The following PIK3R1 variants were observed in gnomAD, a reference collection of about 807,000 sequenced individuals.
PIK3R1 encodes phosphatidylinositol 3-kinase regulatory subunit alpha.
Under a neutral mutation model 98.0 loss-of-function variants are expected in PIK3R1, and 29 were observed. The ratio of observed to expected loss-of-function variants is 0.30; its 90% CI spans 0.22 to 0.40. The LOEUF is 0.40. Among genes scored for constraint, PIK3R1 ranks in the 10% least tolerant of loss-of-function variants. The pLI, the probability that PIK3R1 is intolerant of heterozygous loss-of-function variation, is 1.00. For synonymous variants in PIK3R1, 282 were observed against 311.8 expected (o/e 0.90, Z 1.01); for missense variants, 596 against 872.7 (o/e 0.68, Z 3.99).
Position 68,295,180 on chromosome 5 carries a change from G to A in PIK3R1, c.1601G>A (p.Arg534Gln), listed in dbSNP as rs2112274478. The A allele has an allele frequency of 1.9e-6, 3 of 1,613,860 alleles. No individual in the cohort carries two copies. The highest frequency in any genetic ancestry group is 1.7e-6 in the Non-Finnish European group (2 of 1,179,862). ...CATAATTATGATAAGTTGAAGTCTC[G>A]AATCAGTGAAATTATTGACAGTAGA... Reference protein sequence around the residue: ...IMHNYDKLKSRISEIIDSRRR... With the variant: ...IMHNYDKLKSQISEIIDSRRR... Residue 534 changes from arginine (R) to glutamine (Q), a missense_variant, in exon 13 of 16, where the codon CGA (arginine) becomes CAA (glutamine). This residue lies in a region of PIK3R1 where 207 missense variants were observed against 361.4 expected (regional missense o/e 0.57). Coordinates refer to ENST00000521381, the MANE Select transcript of PIK3R1 (RefSeq NM_181523.3).
intron 2 of PIK3R1, among the ~76,000 whole-genome samples, chr5:68,267,977 G>A (rs1580227899): frequency 6.6e-6 from 1 of 152,116 alleles, no homozygotes; most frequent in East Asian, 1.9e-4. Context: ...TTGCAATCGG[G>A]TATTTCCATA....
chr5:68,294,748 C>T (rs1747600725), intron 12 of PIK3R1, 70 bp downstream of exon 12: 2 of 1,062,608 alleles, frequency 1.9e-6, no homozygotes, highest in South Asian at 1.8e-5. Flanking sequence ...GATGATCTCG[C>T]TTTCTGTGCT....
Position 68,285,114 on chromosome 5 carries a change from C to T in PIK3R1, c.916+4108C>T, listed in dbSNP as rs558093835. Among the ~76,000 whole-genome samples, 5 of 152,210 alleles carry T rather than the reference C, an allele frequency of 3.3e-5. No homozygotes were observed. The South Asian group carries it at 1.0e-3, about 32-fold the overall frequency. ...TAACACAGGGTGCCTTTGAATGAAA[C>T]CCATTATAAGTGTATTTACATATTT... On this transcript the variant is annotated intron_variant, in intron 7 of 15. Coordinates refer to ENST00000521381, the MANE Select transcript of PIK3R1 (RefSeq NM_181523.3).
At chr5:68,237,223 C>T (rs1028184083) in intron 2 of PIK3R1, among the ~76,000 whole-genome samples, 3 of 152,100 alleles carry the variant, frequency 2.0e-5, no homozygotes, top group African/African-American at 7.2e-5. Flanking sequence ...TGCTTGAAGT[C>T]CATAAAAACA....
chr5:68,242,372 T>C (rs1236162419), intron 2 of PIK3R1, among the ~76,000 whole-genome samples: 1 of 152,128 alleles, frequency 6.6e-6, no homozygotes, highest in African/African-American at 2.4e-5. Flanking sequence ...CACACCATAG[T>C]CATAATGTAT....
At chr5:68,288,341 C>A in intron 7 of PIK3R1, 1 of 924,672 alleles carries the variant, frequency 1.1e-6, no homozygotes, top group Non-Finnish European at 1.3e-6. Context: ...AATATTTGAA[C>A]CTGCCCAAGT....
intron 1 of PIK3R1, among the ~76,000 whole-genome samples, chr5:68,225,234 A>ATT (rs568329582): frequency 2.2e-5 from 3 of 137,742 alleles, no homozygotes; most frequent in East Asian, 2.1e-4. Flanking sequence ...CCCTTGGATC[A>ATT]TTTTTTTTTT....
rs1337279738 is a variant in PIK3R1 at position 68,288,380 on chromosome 5, G to A, written c.917-3879G>A. 1.2e-5 allele frequency: 13 copies of A among 1,128,528 alleles called. No homozygotes were observed. The Admixed American group carries it at 5.4e-4, about 47-fold the overall frequency. The allele number at this position is 1,128,528 out of a possible 1,614,324, so 69.9% of individuals were successfully genotyped here. On this transcript the variant is annotated intron_variant, in intron 7 of 15. Transcript: ENST00000521381. The stretch of plus-strand genomic sequence containing the variant: ...TCATGAAGCTGCGATCTTTATCTAA[G>A]GGAGACGTGCGAGCGCCTGGGCTCC...
At chr5:68,222,416 A>G (rs1473379167) in intron 1 of PIK3R1, among the ~76,000 whole-genome samples, 1 of 151,208 alleles carries the variant, frequency 6.6e-6, no homozygotes, top group African/African-American at 2.4e-5. Context: ...GAAATTGTTC[A>G]GTGGAGGGGC....
intron 2 of PIK3R1, among the ~76,000 whole-genome samples, chr5:68,247,681 T>TGA (rs1332156643): frequency 6.6e-6 from 1 of 151,374 alleles, no homozygotes; most frequent in African/African-American, 2.4e-5. Context: ...TGGGGTCACC[T>TGA]GATCCTCCTA....
intron 4 of PIK3R1, among the ~76,000 whole-genome samples, chr5:68,274,859 C>T (rs1053920107): frequency 3.9e-5 from 6 of 152,158 alleles, no homozygotes; most frequent in Admixed American, 2.6e-4. Flanking sequence ...TCCCTCATAA[C>T]GCTTAAAAAA....
intron 2 of PIK3R1, among the ~76,000 whole-genome samples, chr5:68,231,274 A>C (rs545193555): frequency 1.3e-5 from 2 of 152,202 alleles, no homozygotes; most frequent in Non-Finnish European, 2.9e-5. Flanking sequence ...CTGCTAACAC[A>C]AGAGATTACT....
At chr5:68,225,916 G>A (rs896241579) in intron 1 of PIK3R1, among the ~76,000 whole-genome samples, 1 of 152,166 alleles carries the variant, frequency 6.6e-6, no homozygotes, top group African/African-American at 2.4e-5. Flanking sequence ...GACCACACAT[G>A]CCATTCTGTC....
chr5:68,226,426 C>T lies in PIK3R1; in HGVS notation c.-250C>T, dbSNP rs897413019. Reference sequence around the variant, plus strand: ...GTTGACAAGTTGCTGAAAAGGAAGCCAGTGAGAGGACTGTGGCACGCAGAG... The same window carrying T: ...GTTGACAAGTTGCTGAAAAGGAAGCTAGTGAGAGGACTGTGGCACGCAGAG... On this transcript the variant is annotated 5_prime_UTR_variant, in exon 2 of 16. Transcript: ENST00000521381. 1 of 486,412 alleles carries T rather than the reference C, an allele frequency of 2.1e-6. No individual in the cohort carries two copies. The allele number at this position is 486,412 out of a possible 1,614,324, so 30.1% of individuals were successfully genotyped here.
At position 68,243,870 on chromosome 5, in the gene PIK3R1, G is replaced by T. The variant is rs141940634; in HGVS notation, c.334+16861G>T. ...TATGTAAAATGGCTCCTTAAGCTTC[G>T]TGGACAATTGAGTAATTTCAGTTTC... On this transcript the variant is annotated intron_variant, in intron 2 of 15. Transcript: ENST00000521381. Among the ~76,000 whole-genome samples the T allele has an allele frequency of 1.0e-3, 154 of 152,280 alleles. 4 individuals are homozygous for T. Among genetic ancestry groups the T allele is most frequent in the Non-Finnish European group, 5.7e-4 (39 of 68,022 alleles).
At chr5:68,287,452 C>A (rs957054065) in intron 7 of PIK3R1, among the ~76,000 whole-genome samples, 1 of 152,144 alleles carries the variant, frequency 6.6e-6, no homozygotes. Context: ...GGTCAGATTT[C>A]GTTTTCCCCT....
chr5:68,262,605 ACATGTATACACATGTAGATG>A (rs1249753373), intron 2 of PIK3R1, among the ~76,000 whole-genome samples: 2 of 124,792 alleles, frequency 1.6e-5, no homozygotes, highest in Non-Finnish European at 3.2e-5. Flanking sequence ...GCATGTATAC[ACATGTATACACATGTAGATG>A]CATGTATACA....
At chr5:68,286,013 AG>A (rs1747062990) in intron 7 of PIK3R1, among the ~76,000 whole-genome samples, 1 of 152,122 alleles carries the variant, frequency 6.6e-6, no homozygotes, top group Non-Finnish European at 1.5e-5. Context: ...GTCCAGAAAA[AG>A]AAGAAGTTTT....
rs752074681 is a variant in PIK3R1 at position 68,279,667 on chromosome 5, C to G, written c.568C>G (p.Leu190Val). 6.2e-7 allele frequency: 1 copy of G among 1,614,000 alleles called. No individual in the cohort carries two copies. Among genetic ancestry groups the G allele is most frequent in the Non-Finnish European group, 8.5e-7 (1 of 1,179,838 alleles). Residue 190 changes from leucine to valine, a missense_variant, in exon 5 of 16, where the codon CTC becomes GTC. This residue lies in a region of PIK3R1 where 352 missense variants were observed against 393.3 expected (regional missense o/e 0.90). Transcript: ENST00000521381. ...TTTGGCTGACGCTTTCAAACGCTAT[C>G]TCCTGGACTTACCAAATCCTGTCAT... ...HVLADAFKRY[L>V]LDLPNPVIPA...
Sources: allele counts gnomAD v4.1 joint callset (sites outside exome capture counted in the v4.1 genomes callset), GRCh38; gene constraint gnomAD v4.1.1; regional missense constraint gnomAD v4.1.1; transcripts MANE v1.5; gene names NCBI Gene and HGNC (gene_info 2026-07-23, HGNC 2026-07-21).